The following ZBTB20 variants were observed in gnomAD, a reference collection of about 807,000 sequenced individuals.
The protein encoded by ZBTB20 is zinc finger and BTB domain-containing protein 20.
In ZBTB20, 9 loss-of-function variants were observed where a neutral mutation model predicts 56.9. The observed-to-expected ratio is 0.16, with a 90% confidence interval of 0.10 to 0.28. The LOEUF is 0.28. Ranked by LOEUF, ZBTB20 falls within the 10% of genes least tolerant of loss-of-function variation. The pLI is 1.00. For missense variants in ZBTB20, 655 were observed against 1,003.0 expected (o/e 0.65, Z 4.69); for synonymous variants, 417 against 420.7 (o/e 0.99, Z 0.11).
intron 7 of ZBTB20, among the ~76,000 whole-genome samples, chr3:114,399,938 C>T (rs111628345): frequency 2.0e-5 from 3 of 152,002 alleles, no homozygotes; most frequent in African/African-American, 7.2e-5. Context: ...TGAGTTCTCC[C>T]TATCATGAGT....
At chr3:114,576,335 TA>T (rs2107424000) in intron 6 of ZBTB20, among the ~76,000 whole-genome samples, 1 of 150,508 alleles carries the variant, frequency 6.6e-6, no homozygotes, top group South Asian at 2.1e-4. Context: ...CCGTCTCTAC[TA>T]AAAATACAAA....
intron 1 of ZBTB20, among the ~76,000 whole-genome samples, chr3:115,141,110 A>C (rs888196943): frequency 1.6e-4 from 25 of 152,300 alleles, no homozygotes; most frequent in Middle Eastern, 3.4e-3. Flanking sequence ...CCTTGAAAAC[A>C]GACTGTTGGC....
intron 1 of ZBTB20, among the ~76,000 whole-genome samples, chr3:115,109,502 C>T (rs1364801231): frequency 6.6e-6 from 1 of 152,166 alleles, no homozygotes; most frequent in Non-Finnish European, 1.5e-5. Flanking sequence ...TACACTTTCT[C>T]ATTTAATCCC....
rs572647885 is a variant in ZBTB20 at position 114,809,678 on chromosome 3, C to T, written c.-416-8504G>A. On this transcript the variant is annotated intron_variant, in intron 4 of 11. Coordinates refer to ENST00000675478, the MANE Select transcript of ZBTB20 (RefSeq NM_001348800.3). ...TAACATCTGCTATCTCCACTTCAAC[C>T]CAAATATAATTTCTTTTTTTTTCTT... Among the ~76,000 whole-genome samples, 27 of 152,178 alleles carry T rather than the reference C, an allele frequency of 1.8e-4. 1 individual carries two copies. The highest frequency in any genetic ancestry group is 1.0e-3 in the Admixed American group (16 of 15,280).
At chr3:114,709,872 C>T (rs532538020) in intron 5 of ZBTB20, among the ~76,000 whole-genome samples, 1 of 152,298 alleles carries the variant, frequency 6.6e-6, no homozygotes, top group Non-Finnish European at 1.5e-5. Context: ...CTTGCTCCGT[C>T]ATAAAGAGAA....
intron 6 of ZBTB20, among the ~76,000 whole-genome samples, chr3:114,666,371 A>G (rs1010181991): frequency 2.0e-5 from 3 of 152,034 alleles, no homozygotes; most frequent in Non-Finnish European, 2.9e-5. Flanking sequence ...TCATGAAAGA[A>G]TTCTAAAAAA....
In ZBTB20 at chr3:115,002,189, A is replaced by T. The variant is rs965990482; in HGVS notation, c.-506-27773T>A. Among the ~76,000 whole-genome samples, 2 of 151,662 alleles carry T rather than the reference A, an allele frequency of 1.3e-5. 1 individual carries two copies. Among genetic ancestry groups the T allele is most frequent in the South Asian group, 4.1e-4 (2 of 4,820 alleles). On this transcript the variant is annotated intron_variant, in intron 2 of 11. Transcript: ENST00000675478. ...TAACTGAACATCCACATGAAAAAAA[A>T]TCTAGACACTGACATTAAATTCACA...
At chr3:114,915,882 T>C (rs1400477118) in intron 3 of ZBTB20, among the ~76,000 whole-genome samples, 1 of 152,084 alleles carries the variant, frequency 6.6e-6, no homozygotes, top group African/African-American at 2.4e-5. Context: ...CAATTCTTCA[T>C]TATTAATTTC....
intron 7 of ZBTB20, among the ~76,000 whole-genome samples, chr3:114,448,154 G>A (rs2091380940): frequency 6.6e-6 from 1 of 152,044 alleles, no homozygotes; most frequent in African/African-American, 2.4e-5. Flanking sequence ...AGCCACCCAG[G>A]ATCAGCTCTT....
At chr3:114,586,909 A>G (rs2055225587) in intron 6 of ZBTB20, among the ~76,000 whole-genome samples, 1 of 151,978 alleles carries the variant, frequency 6.6e-6, no homozygotes, top group Non-Finnish European at 1.5e-5. Context: ...TACTCTCTAA[A>G]CATCATTTAT....
chr3:114,767,143 A>C (rs2068843194), intron 5 of ZBTB20, among the ~76,000 whole-genome samples: 1 of 152,100 alleles, frequency 6.6e-6, no homozygotes, highest in African/African-American at 2.4e-5. Flanking sequence ...ATAATTCATA[A>C]ATTAATTAGT....
chr3:114,378,421 C>A (rs1469309743), intron 10 of ZBTB20, among the ~76,000 whole-genome samples: 2 of 152,234 alleles, frequency 1.3e-5, no homozygotes, highest in Non-Finnish European at 2.9e-5. Flanking sequence ...ACTGAGCTCA[C>A]ATCCACTGGC....
chr3:114,720,267 ATATCTAAATATAT>A (rs1289476414), intron 5 of ZBTB20, among the ~76,000 whole-genome samples: 3 of 149,804 alleles, frequency 2.0e-5, no homozygotes, highest in East Asian at 3.9e-4. Context: ...ATTTAAATAT[ATATCTAAATATAT>A]TATCTAAATA....
At chr3:115,044,889 T>C (rs2081279796) in intron 2 of ZBTB20, among the ~76,000 whole-genome samples, 2 of 152,230 alleles carry the variant, frequency 1.3e-5, no homozygotes, top group African/African-American at 2.4e-5. Context: ...TCACAGTATG[T>C]ACTCATTTGT....
At chr3:114,783,290 T>C (rs930643262) in intron 5 of ZBTB20, among the ~76,000 whole-genome samples, 8 of 152,376 alleles carry the variant, frequency 5.3e-5, no homozygotes, top group Non-Finnish European at 8.8e-5. Context: ...TGGTTTTTAT[T>C]GACCTTGAAT....
intron 2 of ZBTB20, among the ~76,000 whole-genome samples, chr3:115,003,435 T>G (rs2079337180): frequency 6.6e-6 from 1 of 150,582 alleles, no homozygotes; most frequent in East Asian, 2.0e-4. Flanking sequence ...GTTTTTTGTT[T>G]GTTTGTTTTT....
intron 5 of ZBTB20, among the ~76,000 whole-genome samples, chr3:114,745,498 A>G (rs1027894175): frequency 1.3e-5 from 2 of 152,174 alleles, no homozygotes; most frequent in African/African-American, 4.8e-5. Context: ...AATCAATACT[A>G]AGCACCGAAG....
At chr3:114,663,452 C>T (rs1377512542) in intron 6 of ZBTB20, among the ~76,000 whole-genome samples, 1 of 147,844 alleles carries the variant, frequency 6.8e-6, no homozygotes, top group African/African-American at 2.5e-5. Flanking sequence ...ATGTAAAGAC[C>T]ATCGAGACTA....
intron 4 of ZBTB20, among the ~76,000 whole-genome samples, chr3:114,890,750 A>T (rs1006603730): frequency 3.3e-5 from 5 of 152,292 alleles, no homozygotes; most frequent in Admixed American, 2.0e-4. Flanking sequence ...AAAGTATAAT[A>T]AAAAAGGAAG....
Sources: allele counts gnomAD v4.1 joint callset (sites outside exome capture counted in the v4.1 genomes callset), GRCh38; gene constraint gnomAD v4.1.1; transcripts MANE v1.5; gene names NCBI Gene and HGNC (gene_info 2026-07-23, HGNC 2026-07-21).